The following PGM1 variants were observed in gnomAD, a reference collection of about 807,000 sequenced individuals.
PGM1 encodes the protein phosphoglucomutase 1.
In PGM1, 52 loss-of-function variants were observed where a neutral mutation model predicts 55.6. The observed-to-expected ratio is 0.94, with a 90% CI of 0.75 to 1.18. PGM1 has a LOEUF of 1.18. Among genes scored for constraint, PGM1 ranks in the 50% most tolerant of loss-of-function variants. The pLI, the probability that PGM1 is intolerant of heterozygous loss-of-function variation, is 0.00. For synonymous variants in PGM1, 287 were observed against 271.7 expected, an observed-to-expected ratio of 1.06 and a Z score of -0.55; for missense variants, 724 against 729.3, an observed-to-expected ratio of 0.99 and a Z score of 0.08.
At chr1:63,615,969 C>A (rs975202878) in intron 1 of PGM1, among the ~76,000 whole-genome samples, 5 of 152,062 alleles carry the variant, frequency 3.3e-5, no homozygotes, top group African/African-American at 9.7e-5. Flanking sequence ...AGCACTGCCC[C>A]TTACGAGGCT....
chr1:63,633,922 ATATATATATATTTTT>A (rs1649279390), intron 4 of PGM1, among the ~76,000 whole-genome samples: 7 of 57,024 alleles, frequency 1.2e-4, no homozygotes, highest in African/African-American at 9.6e-4. Flanking sequence ...GTGTGTGTAT[ATATATATATATTTTT>A]TTTTTTTTTT....
In PGM1 at chr1:63,629,933, G is replaced by A; in HGVS notation, c.410-9G>A. 1 of 1,613,898 alleles carries A rather than the reference G, an allele frequency of 6.2e-7. No homozygotes were observed. The highest frequency in any genetic ancestry group is 1.1e-5 in the South Asian group (1 of 91,070). On this transcript the variant is annotated splice_polypyrimidine_tract_variant and intron_variant, in intron 2 of 10. Coordinates refer to ENST00000371084, the MANE Select transcript of PGM1 (RefSeq NM_002633.3). The stretch of plus-strand genomic sequence containing the variant: ...CGAAGTAACCCACTGTTTGCTGTTT[G>A]GTTTCCAGGTCCTGCTCCAGAAGCA...
chr1:63,616,693 TGAGGCA>T (rs149459244), intron 1 of PGM1, among the ~76,000 whole-genome samples: 7,442 of 152,240 alleles, frequency 0.049, 601 homozygotes, highest in African/African-American at 0.17. Flanking sequence ...GTACACTCTC[TGAGGCA>T]GAGGCAGCTG....
intron 1 of PGM1, among the ~76,000 whole-genome samples, chr1:63,624,437 C>T (rs892658029): frequency 5.3e-5 from 8 of 152,132 alleles, no homozygotes; most frequent in Non-Finnish European, 1.0e-4. Context: ...CGTGAAAAAC[C>T]GTGTTGGCTG....
chr1:63,607,763 C>T (rs1224535287), intron 1 of PGM1, among the ~76,000 whole-genome samples: 3 of 152,162 alleles, frequency 2.0e-5, no homozygotes, highest in Non-Finnish European at 4.4e-5. Context: ...TCCAGTGATG[C>T]GTGTAGTGCT....
At chr1:63,618,285 G>A (rs546509402) in intron 1 of PGM1, among the ~76,000 whole-genome samples, 1 of 152,324 alleles carries the variant, frequency 6.6e-6, no homozygotes, top group East Asian at 1.9e-4. Flanking sequence ...CTGTCTGCAT[G>A]TGATGACTTA....
At chr1:63,620,888 G>T (rs555514003) in intron 1 of PGM1, among the ~76,000 whole-genome samples, 4 of 152,184 alleles carry the variant, frequency 2.6e-5, no homozygotes, top group Non-Finnish European at 5.9e-5. Flanking sequence ...AATTGGGTTC[G>T]CTATGCTCGA....
chr1:63,608,473 C>A (rs532333876), intron 1 of PGM1, among the ~76,000 whole-genome samples: 1 of 152,168 alleles, frequency 6.6e-6, no homozygotes, highest in Admixed American at 6.5e-5. Flanking sequence ...AGCCAGTGCC[C>A]ACCTCGACTG....
At position 63,594,061 on chromosome 1, in the gene PGM1, C is replaced by T. The variant is rs6675986; in HGVS notation, c.246+327C>T. On this transcript the variant is annotated intron_variant, in intron 1 of 10. Coordinates refer to ENST00000371084, the MANE Select transcript of PGM1 (RefSeq NM_002633.3). ...TCCCTCTCCCCGTCCCCCGCCCCTCCCGAGGCGTCTGACATTTGCCCTAAC... is the reference window on the plus strand; with the variant it reads ...TCCCTCTCCCCGTCCCCCGCCCCTCTCGAGGCGTCTGACATTTGCCCTAAC... 4.6e-6 allele frequency: 5 copies of T among 1,076,184 alleles called. No homozygotes were observed. The African/African-American group carries it at 8.4e-5, about 18-fold the overall frequency. The allele number at this position is 1,076,184 out of a possible 1,614,324, so 66.7% of individuals were successfully genotyped here.
At chr1:63,633,933 T>TTTTTATTTA (rs1649287094) in intron 4 of PGM1, among the ~76,000 whole-genome samples, 1 of 43,660 alleles carries the variant, frequency 2.3e-5, no homozygotes, top group Non-Finnish European at 3.9e-5. Context: ...TATATATATA[T>TTTTTATTTA]TTTTTTTTTT....
At chr1:63,638,095 A>C (rs1649409416) in intron 6 of PGM1, among the ~76,000 whole-genome samples, 1 of 152,188 alleles carries the variant, frequency 6.6e-6, no homozygotes, top group African/African-American at 2.4e-5. Context: ...GGGAACCACT[A>C]ATCAGTGTGG....
chr1:63,629,726 C>T, intron 2 of PGM1, 139 bp downstream of exon 2: 1 of 947,068 alleles, frequency 1.1e-6, no homozygotes, highest in Non-Finnish European at 1.7e-6. Flanking sequence ...CTTTCAGTGA[C>T]AGTGAAATGC....
intron 1 of PGM1, among the ~76,000 whole-genome samples, chr1:63,604,948 TGTGTGTGTGTG>T (rs1557703392): frequency 0.013 from 1,832 of 143,922 alleles, 42 homozygotes; most frequent in African/African-American, 0.046. Flanking sequence ...TGTGTGTGTG[TGTGTGTGTGTG>T]TAAAGAGAGG....
intron 1 of PGM1, among the ~76,000 whole-genome samples, chr1:63,611,722 G>A (rs919532492): frequency 6.6e-5 from 10 of 152,180 alleles, no homozygotes; most frequent in African/African-American, 1.9e-4. Context: ...GGGCAACATG[G>A]TGAAACCCTG....
chr1:63,604,725 AAC>A (rs1005533082), intron 1 of PGM1, among the ~76,000 whole-genome samples: 3 of 152,010 alleles, frequency 2.0e-5, no homozygotes, highest in Non-Finnish European at 4.4e-5. Flanking sequence ...TGCCCATTGA[AAC>A]ACAGCACTCC....
In PGM1 at chr1:63,594,081, C is replaced by T. The variant is rs1647961815; in HGVS notation, c.246+347C>T. The stretch of plus-strand genomic sequence containing the variant: ...CCCTCCCGAGGCGTCTGACATTTGC[C>T]CTAACCTTGCAGCCTTGGAAGATAC... On this transcript the variant is annotated intron_variant, in intron 1 of 10. Transcript: ENST00000371084. The T allele has an allele frequency of 4.8e-6, 5 of 1,050,052 alleles. No homozygotes were observed. The African/African-American group carries it at 6.8e-5, about 14-fold the overall frequency. 65.0% of individuals were successfully genotyped at this position (1,050,052 alleles called of 1,614,324 possible). A position where few individuals can be genotyped will look rare whatever the true frequency, so the allele number is the denominator to read the frequency against.
rs34661751 is a variant in PGM1 at position 63,594,788 on chromosome 1, CAAAA to C, written c.246+1074_246+1077del. 8.0e-3 allele frequency among the ~76,000 whole-genome samples: 721 copies of C among 90,506 alleles called. 7 individuals carry two copies. The highest frequency in any genetic ancestry group is 0.03 in the African/African-American group (696 of 23,164). 59.4% of individuals were successfully genotyped at this position (90,506 alleles called of 152,430 possible). A position where few individuals can be genotyped will look rare whatever the true frequency, so the allele number is the denominator to read the frequency against. On this transcript the variant is annotated intron_variant, in intron 1 of 10. Transcript: ENST00000371084. ...GAAACCACGTCTCTACTAAAAAATA[CAAAA>C]AAAAAAAAAAAAAAAAAAATTAGCC...
intron 1 of PGM1, among the ~76,000 whole-genome samples, chr1:63,609,124 T>C (rs938434177): frequency 1.3e-5 from 2 of 152,200 alleles, no homozygotes; most frequent in African/African-American, 4.8e-5. Context: ...CCACACATTA[T>C]CCCTTGGACT....
At chr1:63,627,879 G>A (rs2100980420) in intron 1 of PGM1, among the ~76,000 whole-genome samples, 1 of 152,270 alleles carries the variant, frequency 6.6e-6, no homozygotes, top group South Asian at 2.1e-4. Flanking sequence ...GGAAACTGCT[G>A]GAAGGTGAAA....
Sources: gnomAD v4.1 joint callset for allele counts (sites outside exome capture counted in the v4.1 genomes callset) on GRCh38, gnomAD v4.1.1 for gene constraint, MANE v1.5 for transcripts, NCBI Gene and HGNC (gene_info 2026-07-23, HGNC 2026-07-21) for gene names.